Variants in DMD observed in about 807,000 individuals in gnomAD.
DMD encodes the protein dystrophin.
A neutral mutation model predicts 330.1 loss-of-function variants in DMD; 63 were observed. That is an observed-to-expected ratio of 0.19 (90% CI 0.16 to 0.24). The LOEUF is 0.24. Ranked by LOEUF, DMD falls within the 10% of genes least tolerant of loss-of-function variation. DMD has a pLI of 1.00. For missense variants in DMD, 3,344 were observed against 2,684.1 expected, an observed-to-expected ratio of 1.25 and a Z score of -5.43; for synonymous variants, 1,223 against 959.8, an observed-to-expected ratio of 1.27 and a Z score of -5.07.
Position 32,312,941 on chromosome X carries a change from C to CAAAAAAAAAAAAAAAAAA in DMD, c.5923-2666_5923-2665insTTTTTTTTTTTTTTTTTT, listed in dbSNP as rs1171543953. Among the ~76,000 whole-genome samples, 20 of 19,199 alleles carry CAAAAAAAAAAAAAAAAAA rather than the reference C, an allele frequency of 1.0e-3. 1 individual carries two copies. Among genetic ancestry groups the CAAAAAAAAAAAAAAAAAA allele is most frequent in the Non-Finnish European group, 1.9e-3 (18 of 9,326 alleles). 16.7% of individuals were successfully genotyped at this position (19,199 alleles called of 115,157 possible). ...AATTGAGGCAGTAATAGCCTACGAA[C>CAAAAAAAAAAAAAAAAAA]CAAAAAAAAAAAAAAAAAAAAAAGC... On this transcript the variant is annotated intron_variant, in intron 41 of 78. Transcript: ENST00000357033.
intron 52 of DMD, among the ~76,000 whole-genome samples, chrX:31,724,875 T>C (rs1486930612): frequency 8.9e-6 from 1 of 112,111 alleles, no homozygotes; most frequent in Non-Finnish European, 1.9e-5. Flanking sequence ...TTGGCTAAGG[T>C]TACACAGCTA....
chrX:32,924,760 A>C (rs2088807899), intron 2 of DMD, among the ~76,000 whole-genome samples: 1 of 111,417 alleles, frequency 9.0e-6, no homozygotes, highest in Non-Finnish European at 1.9e-5. Context: ...ATACTTTGCC[A>C]ATGAAATGTG....
intron 12 of DMD, among the ~76,000 whole-genome samples, chrX:32,598,056 G>A (rs944405448): frequency 2.7e-5 from 3 of 111,900 alleles, no homozygotes; most frequent in Admixed American, 1.9e-4. Flanking sequence ...TATTAGGATG[G>A]CTGAATCACA....
At chrX:32,400,847 C>A (rs1335480030) in intron 30 of DMD, among the ~76,000 whole-genome samples, 1 of 108,284 alleles carries the variant, frequency 9.2e-6, no homozygotes, top group Non-Finnish European at 1.9e-5. Flanking sequence ...ACCCAAAGGA[C>A]TATAAATCAT....
intron 2 of DMD, among the ~76,000 whole-genome samples, chrX:33,011,031 A>C (rs760574351): frequency 1.2e-4 from 13 of 111,449 alleles, no homozygotes; most frequent in Non-Finnish European, 2.5e-4. Context: ...TGGAGTGTGC[A>C]TGGTATCAAA....
At chrX:32,162,111 C>T (rs946105067) in intron 44 of DMD, among the ~76,000 whole-genome samples, 12 of 111,369 alleles carry the variant, frequency 1.1e-4, no homozygotes, top group Non-Finnish European at 1.9e-4. Flanking sequence ...AGCAAACCAC[C>T]GTGGCAAATG....
chrX:32,381,506 A>G (rs1274843866), intron 33 of DMD, among the ~76,000 whole-genome samples: 1 of 111,208 alleles, frequency 9.0e-6, no homozygotes, highest in Non-Finnish European at 1.9e-5. Context: ...ATCTCTTTCT[A>G]CTAAAGGCAG....
rs199963011 is a variant in DMD at position 31,421,994 on chromosome X, T to TAC, written c.9084+22485_9084+22486dup. 4.5e-3 allele frequency among the ~76,000 whole-genome samples: 327 copies of TAC among 72,388 alleles called. 10 individuals carry two copies. The highest frequency in any genetic ancestry group is 0.025 in the African/African-American group (315 of 12,529). The allele number at this position is 72,388 out of a possible 115,157, so 62.9% of individuals were successfully genotyped here. On this transcript the variant is annotated intron_variant, in intron 60 of 78. Coordinates refer to ENST00000357033, the MANE Select transcript of DMD (RefSeq NM_004006.3). ...ATATACACATATATATATGTATATATACACACACATATATATATATATAAA... is the reference window on the plus strand; with the variant it reads ...ATATACACATATATATATGTATATATACACACACACATATATATATATATAAA...
chrX:31,638,690 T>A (rs1053656000), intron 54 of DMD, among the ~76,000 whole-genome samples: 1 of 112,744 alleles, frequency 8.9e-6, no homozygotes, highest in African/African-American at 3.2e-5. Context: ...ACAATAGGGA[T>A]TTATCCCTGT....
chrX:32,015,488 A>G (rs1232074083), intron 44 of DMD, among the ~76,000 whole-genome samples: 3 of 111,548 alleles, frequency 2.7e-5, no homozygotes, highest in Non-Finnish European at 5.7e-5. Flanking sequence ...AGAGTTTTCA[A>G]GTGAGATCTG....
At chrX:32,448,717 TC>T in intron 26 of DMD, 79 bp from the exon 27 acceptor site, 1 of 915,328 alleles carries the variant, frequency 1.1e-6, no homozygotes, top group Non-Finnish European at 1.5e-6. Flanking sequence ...TCATATAATT[TC>T]TTTCTCACAA....
intron 27 of DMD, among the ~76,000 whole-genome samples, chrX:32,445,802 G>A (rs954771152): frequency 1.8e-5 from 2 of 110,945 alleles, no homozygotes; most frequent in African/African-American, 6.5e-5. Flanking sequence ...ACAAAGAACA[G>A]ATTTGTGAAA....
intron 59 of DMD, among the ~76,000 whole-genome samples, chrX:31,463,578 G>A (rs1357256629): frequency 8.9e-6 from 1 of 111,935 alleles, no homozygotes; most frequent in African/African-American, 3.2e-5. Context: ...CGGTAGGAGA[G>A]TAACAGAATT....
chrX:31,324,561 T>C (rs2056645637), intron 61 of DMD, among the ~76,000 whole-genome samples: 1 of 111,294 alleles, frequency 9.0e-6, no homozygotes, highest in Admixed American at 9.6e-5. Flanking sequence ...ATCTTCCTCC[T>C]GAATATAGTT....
intron 60 of DMD, among the ~76,000 whole-genome samples, chrX:31,417,278 CTTTTCTTTTTTTCTTTT>C (rs1293853003): frequency 2.3e-4 from 26 of 111,501 alleles, no homozygotes; most frequent in African/African-American, 8.5e-4. Flanking sequence ...TTTCTTTTTT[CTTTTCTTTTTTTCTTTT>C]TTTTCTTTTT....
intron 9 of DMD, among the ~76,000 whole-genome samples, chrX:32,649,440 T>C (rs935379160): frequency 9.3e-6 from 1 of 107,730 alleles, no homozygotes; most frequent in South Asian, 4.1e-4. Context: ...GTAGTCCCAG[T>C]TACTCGGGAG....
chrX:32,472,008 C>T (rs2040686824), intron 22 of DMD, among the ~76,000 whole-genome samples, 156 bp downstream of exon 22: 1 of 112,493 alleles, frequency 8.9e-6, no homozygotes, highest in Non-Finnish European at 1.9e-5. Context: ...AGAGTATATG[C>T]ATAAATAATA....
At chrX:33,013,574 C>G (rs917438280) in intron 2 of DMD, among the ~76,000 whole-genome samples, 2 of 111,813 alleles carry the variant, frequency 1.8e-5, no homozygotes, top group Admixed American at 9.5e-5. Flanking sequence ...TATGTAAAAC[C>G]TTCCATGGCA....
chrX:32,442,539 A>G (rs2098285449), intron 27 of DMD, among the ~76,000 whole-genome samples: 1 of 110,600 alleles, frequency 9.0e-6, no homozygotes, highest in Non-Finnish European at 1.9e-5. Context: ...ATTTGTATTT[A>G]TTGTTGGTGG....
Sources: gnomAD v4.1 joint callset for allele counts (sites outside exome capture counted in the v4.1 genomes callset) on GRCh38, gnomAD v4.1.1 for gene constraint, MANE v1.5 for transcripts, NCBI Gene and HGNC (gene_info 2026-07-23, HGNC 2026-07-21) for gene names.